COX14: variants seen among roughly 807,000 people sequenced by gnomAD.
COX14 encodes cytochrome c oxidase assembly factor COX14, also known as cytochrome c oxidase assembly protein COX14.
In COX14, 3 loss-of-function variants were observed where a neutral mutation model predicts 5.8. That is an observed-to-expected ratio of 0.51 (90% CI 0.23 to 1.33). The LOEUF (loss-of-function observed/expected upper bound fraction) is 1.33, where lower values mean the gene tolerates loss of function less well. Among genes scored for constraint, COX14 ranks in the 40% most tolerant of loss-of-function variants. The pLI is 0.18. For synonymous variants in COX14, 25 were observed against 26.1 expected, an observed-to-expected ratio of 0.96 and a Z score of 0.13; for missense variants, 72 against 72.1, an observed-to-expected ratio of 1.00 and a Z score of 0.01.
chr12:50,117,307 G>A (rs982901734), intron 1 of COX14, among the ~76,000 whole-genome samples: 1 of 152,086 alleles, frequency 6.6e-6, no homozygotes, highest in Non-Finnish European at 1.5e-5. Context: ...GAGCCACCAT[G>A]CCCTGCCTAG....
intron 1 of COX14, 36 bp downstream of exon 1, chr12:50,112,337 G>C (rs1267470667): frequency 1.0e-6 from 1 of 985,430 alleles, no homozygotes; most frequent in African/African-American, 1.7e-5. Flanking sequence ...GGGGCTGCCA[G>C]TCCCACTGCC....
Position 50,120,101 on chromosome 12 carries a change from A to G in COX14, c.58A>G (p.Met20Val). ...IGYKTFSTSM[M>V]LLTVYGGYLC... ...CTATAAGACCTTCTCTACCTCCATG[A>G]TGCTTCTCACTGTGTATGGGGGGTA... The change falls in exon 2 of 2, where the codon ATG (methionine) becomes GTG (valine). Residue 20 changes from methionine to valine, a missense_variant. Met to Val is a conservative substitution (Grantham distance 21, BLOSUM62 1). Transcript: ENST00000550487. The G allele has an allele frequency of 6.2e-7, 1 of 1,614,014 alleles. No individual in the cohort carries two copies. The highest frequency in any genetic ancestry group is 8.5e-7 in the Non-Finnish European group (1 of 1,179,918).
intron 1 of COX14, among the ~76,000 whole-genome samples, chr12:50,116,878 T>G (rs530921967): frequency 6.6e-6 from 1 of 152,332 alleles, no homozygotes; most frequent in South Asian, 2.1e-4. Context: ...GTGTCTCAGC[T>G]CAGCTTGGGG....
chr12:50,112,609 C>T, intron 1 of COX14: 1 of 380,390 alleles, frequency 2.6e-6, no homozygotes, highest in Non-Finnish European at 3.6e-6. Context: ...ACCTCTGCGT[C>T]CTGATAAGTG....
chr12:50,114,233 A>AC (rs953815510), intron 1 of COX14, among the ~76,000 whole-genome samples: 12 of 151,142 alleles, frequency 7.9e-5, no homozygotes, highest in Admixed American at 2.0e-4. Context: ...AAAAAAAAAA[A>AC]AAAAACAGGT....
intron 1 of COX14, among the ~76,000 whole-genome samples, chr12:50,117,892 C>T (rs780266435): frequency 3.9e-5 from 6 of 152,060 alleles, no homozygotes; most frequent in Non-Finnish European, 4.4e-5. Context: ...TACAGGCGCG[C>T]ACTGCCATGC....
intron 1 of COX14, among the ~76,000 whole-genome samples, chr12:50,113,713 A>G (rs1176658524): frequency 1.3e-5 from 2 of 151,066 alleles, no homozygotes; most frequent in African/African-American, 4.9e-5. Context: ...GCTCACTGCA[A>G]CCTCCGCCTC....
chr12:50,113,732 A>G (rs1422115245), intron 1 of COX14, among the ~76,000 whole-genome samples: 1 of 151,952 alleles, frequency 6.6e-6, no homozygotes, highest in Non-Finnish European at 1.5e-5. Context: ...TCCCGGGTTC[A>G]AATGATTCTC....
At chr12:50,117,637 G>A (rs1189125766) in intron 1 of COX14, among the ~76,000 whole-genome samples, 1 of 148,452 alleles carries the variant, frequency 6.7e-6, no homozygotes, top group Non-Finnish European at 1.5e-5. Context: ...GGAGTGCAAT[G>A]ATGCGATCTC....
Position 50,120,236 on chromosome 12 carries a change from C to A in COX14, c.*19C>A. ...CATGTAGAACTGGGGGGCTTTTTCTCCTGAGCAGAGAGGCCCAAGGCATGC... is the reference window on the plus strand; with the variant it reads ...CATGTAGAACTGGGGGGCTTTTTCTACTGAGCAGAGAGGCCCAAGGCATGC... On this transcript the variant is annotated 3_prime_UTR_variant, in exon 2 of 2. Coordinates refer to ENST00000550487, the MANE Select transcript of COX14 (RefSeq NM_032901.4). The A allele has an allele frequency of 6.2e-7, 1 of 1,609,252 alleles. No homozygotes were observed. The highest frequency in any genetic ancestry group is 8.5e-7 in the Non-Finnish European group (1 of 1,177,682).
intron 1 of COX14, among the ~76,000 whole-genome samples, chr12:50,114,437 A>T (rs1951060240): frequency 6.6e-6 from 1 of 151,918 alleles, no homozygotes; most frequent in Admixed American, 6.6e-5. Context: ...CTTTTAGTAG[A>T]GGTGGGGTTT....
At chr12:50,112,780 T>C in intron 1 of COX14, 1 of 150,778 alleles carries the variant, frequency 6.6e-6, no homozygotes, top group East Asian at 2.0e-4. Flanking sequence ...TTCTGCTAAG[T>C]TTTCTCAAGC....
At chr12:50,114,842 G>A (rs1029880348) in intron 1 of COX14, among the ~76,000 whole-genome samples, 10 of 128,370 alleles carry the variant, frequency 7.8e-5, no homozygotes, top group Non-Finnish European at 1.2e-4. Context: ...GAGTACAGTG[G>A]CTGCAACTTC....
chr12:50,117,216 A>G (rs1002710764), intron 1 of COX14, among the ~76,000 whole-genome samples: 2 of 151,920 alleles, frequency 1.3e-5, no homozygotes, highest in Non-Finnish European at 2.9e-5. Flanking sequence ...GGGTCTCACT[A>G]TGTTGCCCAG....
intron 1 of COX14, among the ~76,000 whole-genome samples, chr12:50,114,641 C>T (rs953003272): frequency 6.6e-6 from 1 of 152,004 alleles, no homozygotes; most frequent in African/African-American, 2.4e-5. Flanking sequence ...CTTATCCTCT[C>T]CTTTGGTTTT....
In COX14 at chr12:50,112,260, T is replaced by C; in HGVS notation, c.-50T>C. Reference sequence around the variant, plus strand: ...CAGTGGCCTCGAGACCCTGCCTGCCTGAGGAGGCCTCGGTTGGATGCGAAG... The same window carrying C: ...CAGTGGCCTCGAGACCCTGCCTGCCCGAGGAGGCCTCGGTTGGATGCGAAG... On this transcript the variant is annotated 5_prime_UTR_variant, in exon 1 of 2. Transcript: ENST00000550487. 1 of 981,228 alleles carries C rather than the reference T, an allele frequency of 1.0e-6. No individual in the cohort carries two copies. The highest frequency in any genetic ancestry group is 1.2e-6 in the Non-Finnish European group (1 of 826,066). 60.8% of individuals were successfully genotyped at this position (981,228 alleles called of 1,614,324 possible).
rs1951120526 is a variant in COX14, at chr12:50,120,423, C to T, written c.*206C>T. 7 of 531,174 alleles carry T rather than the reference C, an allele frequency of 1.3e-5. No individual in the cohort carries two copies. Among genetic ancestry groups the T allele is most frequent in the Non-Finnish European group, 2.4e-5 (7 of 290,524 alleles). 32.9% of individuals were successfully genotyped at this position (531,174 alleles called of 1,614,324 possible). On this transcript the variant is annotated 3_prime_UTR_variant, in exon 2 of 2. Coordinates refer to ENST00000550487, the MANE Select transcript of COX14 (RefSeq NM_032901.4). Reference sequence around the variant, plus strand: ...GTAATAGCAATGTGAGGGTGAGGTACACCTACAGACATTAAATAATTTGCT... The same window carrying T: ...GTAATAGCAATGTGAGGGTGAGGTATACCTACAGACATTAAATAATTTGCT...
chr12:50,113,193 T>C (rs1951045970), intron 1 of COX14, among the ~76,000 whole-genome samples: 1 of 150,632 alleles, frequency 6.6e-6, no homozygotes, highest in African/African-American at 2.4e-5. Flanking sequence ...ACTCTCTAAG[T>C]GCCAAACAAA....
At chr12:50,119,894 T>G in intron 1 of COX14, 142 bp from the exon 2 acceptor site, 1 of 665,656 alleles carries the variant, frequency 1.5e-6, no homozygotes, top group East Asian at 2.6e-5. Flanking sequence ...CCTATGAGAC[T>G]TTACCTAGAC....
Sources: gnomAD v4.1 joint callset for allele counts (sites outside exome capture counted in the v4.1 genomes callset) on GRCh38, gnomAD v4.1.1 for gene constraint, MANE v1.5 for transcripts, NCBI Gene and HGNC (gene_info 2026-07-23, HGNC 2026-07-21) for gene names.